Variants in CCSER1 observed in about 807,000 individuals in gnomAD.
CCSER1 encodes the protein coiled-coil serine rich protein 1, also known as serine-rich coiled-coil domain-containing protein 1.
CCSER1 carries 41 observed loss-of-function variants against 82.0 expected under a neutral mutation model. The observed-to-expected ratio is 0.50, with a 90% CI of 0.39 to 0.65. CCSER1 has a LOEUF of 0.65. CCSER1 is among the 30% of genes least tolerant of loss of function. The pLI, the probability that CCSER1 is intolerant of heterozygous loss-of-function variation, is 0.00. For synonymous variants in CCSER1, 414 were observed against 383.9 expected (o/e 1.08, Z -0.92); for missense variants, 1,119 against 1,064.2 (o/e 1.05, Z -0.72).
intron 9 of CCSER1, among the ~76,000 whole-genome samples, chr4:91,057,069 C>A (rs1743516537): frequency 6.6e-6 from 1 of 152,070 alleles, no homozygotes; most frequent in African/African-American, 2.4e-5. Flanking sequence ...GTCTGCACCT[C>A]CATGATAAGA....
intron 10 of CCSER1, among the ~76,000 whole-genome samples, chr4:91,097,880 T>C (rs1042621207): frequency 8.5e-5 from 13 of 152,212 alleles, no homozygotes; most frequent in African/African-American, 2.7e-4. Context: ...GCATATCTTA[T>C]AACCTGTTAT....
intron 1 of CCSER1, among the ~76,000 whole-genome samples, chr4:90,200,859 A>G (rs1029900512): frequency 2.0e-5 from 3 of 152,134 alleles, no homozygotes; most frequent in African/African-American, 7.2e-5. Context: ...CCTATGTACT[A>G]TGTATAATGA....
intron 10 of CCSER1, among the ~76,000 whole-genome samples, chr4:91,497,107 T>C (rs1758964223): frequency 6.6e-6 from 1 of 151,206 alleles, no homozygotes; most frequent in African/African-American, 2.4e-5. Flanking sequence ...TGAAGTTAAG[T>C]TGCCTGGGCT....
In CCSER1 at chr4:91,054,876, A is replaced by C. The variant is rs538825176; in HGVS notation, c.2173-31074A>C. ...TCAGATTTTGGAGCATGTCAGATTT[A>C]GAATTTTCAAATTTGAGATACTTAA... On this transcript the variant is annotated intron_variant, in intron 9 of 10. Coordinates refer to ENST00000509176, the MANE Select transcript of CCSER1 (RefSeq NM_001145065.2). 1.0e-3 allele frequency among the ~76,000 whole-genome samples: 152 copies of C among 152,334 alleles called. 1 individual carries two copies. The highest frequency in any genetic ancestry group is 1.7e-3 in the Non-Finnish European group (113 of 68,032).
At chr4:90,437,111 G>A (rs968045564) in intron 4 of CCSER1, among the ~76,000 whole-genome samples, 4 of 152,016 alleles carry the variant, frequency 2.6e-5, no homozygotes, top group African/African-American at 4.8e-5. Flanking sequence ...GTGAGCCACC[G>A]CCCCCGGACG....
intron 10 of CCSER1, among the ~76,000 whole-genome samples, chr4:91,423,287 A>T (rs1158600037): frequency 6.6e-6 from 1 of 151,650 alleles, no homozygotes; most frequent in East Asian, 1.9e-4. Flanking sequence ...AAAATTAGCC[A>T]GGCATGATGG....
chr4:90,384,101 G>GT (rs1312903163), intron 3 of CCSER1, among the ~76,000 whole-genome samples: 1 of 150,880 alleles, frequency 6.6e-6, no homozygotes, highest in Admixed American at 6.6e-5. Context: ...TTTTGTTGTT[G>GT]TTGTTTGTTT....
At chr4:91,517,932 G>A (rs912982036) in intron 10 of CCSER1, among the ~76,000 whole-genome samples, 1 of 152,118 alleles carries the variant, frequency 6.6e-6, no homozygotes, top group African/African-American at 2.4e-5. Flanking sequence ...CATTTTTGAT[G>A]TTGAAGTTTG....
At chr4:90,403,734 G>A (rs762159970) in intron 4 of CCSER1, among the ~76,000 whole-genome samples, 1 of 152,118 alleles carries the variant, frequency 6.6e-6, no homozygotes, top group Non-Finnish European at 1.5e-5. Flanking sequence ...CAATGCATAT[G>A]AATTTTTGGC....
chr4:90,920,975 C>A (rs903700521), intron 8 of CCSER1, among the ~76,000 whole-genome samples: 11 of 151,448 alleles, frequency 7.3e-5, no homozygotes, highest in African/African-American at 2.7e-4. Flanking sequence ...TACTTTGTTT[C>A]TATATCTCTG....
At chr4:90,437,673 A>G (rs2153570560) in intron 4 of CCSER1, among the ~76,000 whole-genome samples, 1 of 152,314 alleles carries the variant, frequency 6.6e-6, no homozygotes, top group African/African-American at 2.4e-5. Flanking sequence ...AGAACATAGC[A>G]GAGAGACATC....
chr4:91,228,484 TAAAC>T (rs1324850262), intron 10 of CCSER1, among the ~76,000 whole-genome samples: 4 of 151,846 alleles, frequency 2.6e-5, no homozygotes, highest in Admixed American at 6.6e-5. Context: ...AATCTGAAAA[TAAAC>T]AAAAAAATTT....
intron 1 of CCSER1, among the ~76,000 whole-genome samples, chr4:90,135,360 T>G (rs1399635959): frequency 1.3e-5 from 2 of 151,874 alleles, no homozygotes; most frequent in Non-Finnish European, 1.5e-5. Flanking sequence ...AAACAACAAC[T>G]GGGATCCTGC....
At chr4:91,048,712 A>G (rs1307187535) in intron 9 of CCSER1, among the ~76,000 whole-genome samples, 1 of 152,164 alleles carries the variant, frequency 6.6e-6, no homozygotes, top group Middle Eastern at 3.2e-3. Flanking sequence ...TCATGATGAA[A>G]TCTTTCTGTG....
intron 4 of CCSER1, among the ~76,000 whole-genome samples, chr4:90,443,400 A>G (rs1487305417): frequency 2.0e-5 from 3 of 152,284 alleles, no homozygotes; most frequent in Non-Finnish European, 2.9e-5. Context: ...TAAGTGACTA[A>G]TGGGCAGGTA....
intron 5 of CCSER1, among the ~76,000 whole-genome samples, chr4:90,566,988 T>C (rs1167769919): frequency 4.6e-5 from 7 of 150,978 alleles, no homozygotes; most frequent in Admixed American, 2.6e-4. Flanking sequence ...TTAGCTTAGC[T>C]AAAGGTTTAT....
intron 3 of CCSER1, among the ~76,000 whole-genome samples, chr4:90,352,120 C>G (rs1743561579): frequency 6.6e-6 from 1 of 151,974 alleles, no homozygotes; most frequent in African/African-American, 2.4e-5. Context: ...GTCAGGAGAT[C>G]GAAACCATCC....
At chr4:90,273,006 AAAAC>A (rs376986613) in intron 1 of CCSER1, among the ~76,000 whole-genome samples, 22 of 134,006 alleles carry the variant, frequency 1.6e-4, no homozygotes, top group East Asian at 4.3e-4. Flanking sequence ...CTATCTCAAA[AAAAC>A]AAACAAACAA....
At chr4:90,853,431 C>G (rs1483744450) in intron 8 of CCSER1, among the ~76,000 whole-genome samples, 1 of 152,050 alleles carries the variant, frequency 6.6e-6, no homozygotes, top group Non-Finnish European at 1.5e-5. Context: ...GAAAATCAGA[C>G]AAGATGTAAA....
Sources: allele counts gnomAD v4.1 joint callset (sites outside exome capture counted in the v4.1 genomes callset), GRCh38; gene constraint gnomAD v4.1.1; transcripts MANE v1.5; gene names NCBI Gene and HGNC (gene_info 2026-07-23, HGNC 2026-07-21).